Variants in FAM169A observed in about 807,000 individuals in gnomAD.
FAM169A encodes the protein soluble lamin-associated protein of 75 kDa.
In FAM169A, 24 loss-of-function variants were observed where a neutral mutation model predicts 75.7. That is an observed-to-expected ratio of 0.32 (90% confidence interval 0.23 to 0.45). The LOEUF (loss-of-function observed/expected upper bound fraction) is 0.45, where lower values mean the gene tolerates loss of function less well. Among genes scored for constraint, FAM169A ranks in the 20% least tolerant of loss-of-function variants. The probability of loss-of-function intolerance (pLI) is 1.00; values close to 1 mark genes in which losing one functional copy is unlikely to be tolerated. For missense variants in FAM169A, 673 were observed against 784.0 expected (o/e 0.86, Z 1.69); for synonymous variants, 271 against 271.0 (o/e 1.00, Z 0.00).
chr5:74,795,765 A>G (rs1746239865), intron 11 of FAM169A, among the ~76,000 whole-genome samples: 1 of 152,260 alleles, frequency 6.6e-6, no homozygotes, highest in Non-Finnish European at 1.5e-5. Context: ...TAAATGCACC[A>G]AAAGATCTTA....
At chr5:74,788,774 AT>A (rs1007837227) in intron 11 of FAM169A, among the ~76,000 whole-genome samples, 8 of 152,002 alleles carry the variant, frequency 5.3e-5, no homozygotes, top group Non-Finnish European at 1.0e-4. Flanking sequence ...CACTGCAGAG[AT>A]TAGTGCCACC....
rs549032719 is a variant in FAM169A, at chr5:74,804,610, G to A, written c.800-5C>T. On this transcript the variant is annotated splice_polypyrimidine_tract_variant and splice_region_variant and intron_variant, in intron 7 of 12. Transcript: ENST00000687041. ...TAGGTTCATTTTGAGAAAGTGCTGC[G>A]TATAGAAGAATTTTAAAAACTGTAA... The A allele has an allele frequency of 6.3e-5, 94 of 1,499,450 alleles. No individual in the cohort carries two copies. The highest frequency in any genetic ancestry group is 8.9e-5 in the Admixed American group (5 of 56,430). 92.9% of individuals were successfully genotyped at this position (1,499,450 alleles called of 1,614,324 possible). A position where few individuals can be genotyped will look rare whatever the true frequency, so the allele number is the denominator to read the frequency against.
intron 1 of FAM169A, among the ~76,000 whole-genome samples, chr5:74,856,137 C>T (rs1243370494): frequency 6.6e-6 from 1 of 152,096 alleles, no homozygotes; most frequent in Non-Finnish European, 1.5e-5. Flanking sequence ...TTCCATTGGT[C>T]TATGTGTCTG....
At chr5:74,811,640 CTTTATAAGAGTTTCTAGG>C (rs1222491027) in intron 6 of FAM169A, among the ~76,000 whole-genome samples, 1 of 152,166 alleles carries the variant, frequency 6.6e-6, no homozygotes, top group Non-Finnish European at 1.5e-5. Flanking sequence ...GTAAATTATA[CTTTATAAGAGTTTCTAGG>C]TTAATTACTA....
At chr5:74,851,150 T>C (rs1749422189) in intron 1 of FAM169A, among the ~76,000 whole-genome samples, 1 of 152,192 alleles carries the variant, frequency 6.6e-6, no homozygotes, top group Non-Finnish European at 1.5e-5. Flanking sequence ...TTAACAGTAA[T>C]TACTCCTGGT....
At chr5:74,804,873 G>T (rs907211014) in intron 7 of FAM169A, among the ~76,000 whole-genome samples, 2 of 152,178 alleles carry the variant, frequency 1.3e-5, no homozygotes, top group Non-Finnish European at 2.9e-5. Flanking sequence ...CCTATTCTAT[G>T]CCGTTTGAGT....
chr5:74,800,026 C>T lies in FAM169A; in HGVS notation c.1103+854G>A, dbSNP rs186832271. On this transcript the variant is annotated intron_variant, in intron 10 of 12. Coordinates refer to ENST00000687041, the MANE Select transcript of FAM169A (RefSeq NM_001376049.1). ...GAGAAAGATTGTCGCAAATATTGCA[C>T]TACTGGCATCGATGGAGAGCCATGA... 92 of 761,436 alleles carry T rather than the reference C, an allele frequency of 1.2e-4. No homozygotes were observed. The Admixed American group carries it at 1.6e-3, about 13-fold the overall frequency. The allele number at this position is 761,436 out of a possible 1,614,324, so 47.2% of individuals were successfully genotyped here. A position where few individuals can be genotyped will look rare whatever the true frequency, so the allele number is the denominator to read the frequency against.
intron 5 of FAM169A, among the ~76,000 whole-genome samples, chr5:74,832,869 A>C (rs1025545410): frequency 1.3e-5 from 2 of 152,008 alleles, no homozygotes; most frequent in African/African-American, 2.4e-5. Flanking sequence ...GGAAAGAACT[A>C]AAATAGTAAA....
At chr5:74,799,223 A>G in intron 10 of FAM169A, 1 of 1,371,436 alleles carries the variant, frequency 7.3e-7, no homozygotes, top group African/African-American at 1.4e-5. Context: ...CACAATGCCT[A>G]TGTCTGGAGT....
intron 11 of FAM169A, among the ~76,000 whole-genome samples, chr5:74,789,788 G>C (rs949437635): frequency 4.6e-5 from 7 of 152,170 alleles, no homozygotes; most frequent in Non-Finnish European, 8.8e-5. Flanking sequence ...CCTTTGGCAG[G>C]CTCCCATAGG....
intron 1 of FAM169A, among the ~76,000 whole-genome samples, chr5:74,857,498 G>C (rs1749772584): frequency 6.9e-6 from 1 of 144,848 alleles, no homozygotes; most frequent in African/African-American, 2.5e-5. Flanking sequence ...CAGGGAGGTA[G>C]AGGCTGCAGT....
At chr5:74,792,349 G>A (rs1420341214) in intron 11 of FAM169A, among the ~76,000 whole-genome samples, 1 of 152,138 alleles carries the variant, frequency 6.6e-6, no homozygotes, top group African/African-American at 2.4e-5. Flanking sequence ...ATCCAGGTGG[G>A]CACCATCTAA....
intron 10 of FAM169A, chr5:74,800,094 C>T (rs1324301765): frequency 2.1e-5 from 13 of 623,286 alleles, no homozygotes; most frequent in East Asian, 1.4e-4. Context: ...AGTGAGCCTC[C>T]GCCATCCAGC....
In FAM169A at chr5:74,814,908, T is replaced by C. The variant is rs189951351; in HGVS notation, c.491-889A>G. ...ATTTTTGCCTCAAATAAAATAATCT[T>C]TTATTCTCAGATTATTCATATGATT... On this transcript the variant is annotated intron_variant, in intron 5 of 12. Coordinates refer to ENST00000687041, the MANE Select transcript of FAM169A (RefSeq NM_001376049.1). Among the ~76,000 whole-genome samples, 912 of 152,332 alleles carry C rather than the reference T, an allele frequency of 6.0e-3. 4 individuals carry two copies. Among genetic ancestry groups the C allele is most frequent in the Non-Finnish European group, 8.6e-3 (584 of 68,028 alleles).
intron 2 of FAM169A, among the ~76,000 whole-genome samples, chr5:74,840,625 C>A (rs1175939021): frequency 4.6e-5 from 7 of 151,188 alleles, no homozygotes; most frequent in Non-Finnish European, 8.8e-5. Context: ...GTCAGGAGAT[C>A]GAGACCATCC....
At chr5:74,814,086 T>A in intron 5 of FAM169A, 67 bp from the exon 6 acceptor site, 1 of 1,288,788 alleles carries the variant, frequency 7.8e-7, no homozygotes, top group Non-Finnish European at 1.0e-6. Context: ...TTTAGTGACA[T>A]GAGTTAACAG....
upstream of FAM169A, chr5:74,866,416 C>T (rs1750352332): frequency 2.1e-6 from 2 of 970,744 alleles, no homozygotes; most frequent in Non-Finnish European, 2.4e-6. Flanking sequence ...GCCTTCGCTT[C>T]CGCTCCGCGC....
At position 74,866,371 on chromosome 5, in the gene FAM169A, C is replaced by A. The variant is rs1192872770; in HGVS notation, c.-210G>T. 3.0e-6 allele frequency: 3 copies of A among 984,310 alleles called. No homozygotes were observed. The allele number at this position is 984,310 out of a possible 1,614,324, so 61.0% of individuals were successfully genotyped here. On this transcript the variant is annotated 5_prime_UTR_variant, in exon 1 of 13. Transcript: ENST00000687041. Reference sequence around the variant, plus strand: ...GTCGGCCGCGGCCCACCGTGCCCTCCGACGACGTGACGCACTAGCGCCGCA... The same window carrying A: ...GTCGGCCGCGGCCCACCGTGCCCTCAGACGACGTGACGCACTAGCGCCGCA...
At chr5:74,826,022 G>A (rs1292693331) in intron 5 of FAM169A, among the ~76,000 whole-genome samples, 2 of 151,972 alleles carry the variant, frequency 1.3e-5, no homozygotes, top group African/African-American at 4.8e-5. Flanking sequence ...CCTGAAACAT[G>A]TATTATTTAA....
Sources: allele counts gnomAD v4.1 joint callset (sites outside exome capture counted in the v4.1 genomes callset), GRCh38; gene constraint gnomAD v4.1.1; transcripts MANE v1.5; gene names NCBI Gene and HGNC (gene_info 2026-07-23, HGNC 2026-07-21).